The following SFMBT1 variants were observed in gnomAD, a reference collection of about 807,000 sequenced individuals.
SFMBT1 encodes Scm like with four mbt domains 1.
A neutral mutation model predicts 108.7 loss-of-function variants in SFMBT1; 32 were observed. That is an observed-to-expected ratio of 0.29 (90% confidence interval 0.22 to 0.40). The LOEUF (loss-of-function observed/expected upper bound fraction) is 0.40. Ranked by LOEUF, SFMBT1 falls within the 10% of genes least tolerant of loss-of-function variation. The probability of loss-of-function intolerance (pLI) is 1.00; values close to 1 mark genes in which losing one functional copy is unlikely to be tolerated. For missense variants in SFMBT1, 816 were observed against 1,059.6 expected (o/e 0.77, Z 3.19); for synonymous variants, 348 against 369.5 (o/e 0.94, Z 0.67).
chr3:53,001,968 CACACAT>C lies in SFMBT1; in HGVS notation c.-130-32716_-130-32711del, dbSNP rs1416423707. On this transcript the variant is annotated intron_variant, in intron 1 of 20. Coordinates refer to ENST00000394752, the MANE Select transcript of SFMBT1 (RefSeq NM_016329.4). ...ACACACACACACACACACACACACA[CACACAT>C]AAATGAAAGATTACTGCCTGTTTTG... 1.0e-4 allele frequency among the ~76,000 whole-genome samples: 15 copies of C among 145,740 alleles called. 2 individuals are homozygous for C. In the South Asian group the frequency reaches 2.5e-3, roughly 24 times the overall value.
At chr3:53,044,395 A>T (rs577407205) in intron 1 of SFMBT1, among the ~76,000 whole-genome samples, 1 of 152,344 alleles carries the variant, frequency 6.6e-6, no homozygotes, top group South Asian at 2.1e-4. Flanking sequence ...GTCAATGACA[A>T]CGGTAATAAC....
intron 2 of SFMBT1, among the ~76,000 whole-genome samples, chr3:52,962,182 A>C (rs1411430656): frequency 6.6e-6 from 1 of 152,232 alleles, no homozygotes; most frequent in Non-Finnish European, 1.5e-5. Flanking sequence ...ACTTGGCAAT[A>C]TCCAACAAAA....
intron 1 of SFMBT1, among the ~76,000 whole-genome samples, chr3:52,974,728 C>T (rs566935411): frequency 2.6e-5 from 4 of 151,702 alleles, no homozygotes; most frequent in Admixed American, 6.6e-5. Context: ...CGGTGGCTCA[C>T]GCCTGTAATC....
chr3:53,018,833 A>C (rs1699207852), intron 1 of SFMBT1, among the ~76,000 whole-genome samples: 1 of 151,312 alleles, frequency 6.6e-6, no homozygotes, highest in Non-Finnish European at 1.5e-5. Context: ...CTGTGACACT[A>C]CTCTCCTGGT....
At chr3:53,030,410 T>C (rs1178791974) in intron 1 of SFMBT1, among the ~76,000 whole-genome samples, 1 of 152,078 alleles carries the variant, frequency 6.6e-6, no homozygotes, top group Non-Finnish European at 1.5e-5. Context: ...TCTTTTTTGA[T>C]ATTCAAAAAA....
intron 1 of SFMBT1, among the ~76,000 whole-genome samples, chr3:52,970,078 G>T (rs929137056): frequency 3.3e-5 from 5 of 151,622 alleles, no homozygotes; most frequent in African/African-American, 9.7e-5. Context: ...TCCAGCCTGG[G>T]TGACACAGCC....
intron 10 of SFMBT1, among the ~76,000 whole-genome samples, chr3:52,923,534 T>C (rs1702575281): frequency 6.7e-6 from 1 of 148,836 alleles, no homozygotes; most frequent in South Asian, 2.1e-4. Context: ...CACTCCAGCC[T>C]GGGCAACAAG....
intron 2 of SFMBT1, among the ~76,000 whole-genome samples, chr3:52,956,446 G>A (rs553375619): frequency 1.9e-4 from 29 of 151,642 alleles, no homozygotes; most frequent in Admixed American, 1.7e-3. Flanking sequence ...GTGATGGAGC[G>A]AGGCACTGTC....
intron 1 of SFMBT1, among the ~76,000 whole-genome samples, chr3:53,002,309 G>C (rs1241710287): frequency 1.4e-5 from 2 of 146,916 alleles, no homozygotes; most frequent in African/African-American, 4.9e-5. Flanking sequence ...TGAGGCAGGA[G>C]AATGGCGTGA....
chr3:53,037,308 C>T (rs1414598203), intron 1 of SFMBT1, among the ~76,000 whole-genome samples: 40 of 152,104 alleles, frequency 2.6e-4, no homozygotes, highest in Admixed American at 2.6e-3. Flanking sequence ...TGGAGCCTGA[C>T]AACAAAGAAA....
chr3:53,037,615 C>T (rs778350180), intron 1 of SFMBT1, among the ~76,000 whole-genome samples: 29 of 152,234 alleles, frequency 1.9e-4, no homozygotes, highest in Admixed American at 4.6e-4. Flanking sequence ...ATAATACACC[C>T]GAAGTTTCTC....
At chr3:52,957,218 T>C (rs1407588077) in intron 2 of SFMBT1, among the ~76,000 whole-genome samples, 1 of 152,058 alleles carries the variant, frequency 6.6e-6, no homozygotes, top group African/African-American at 2.4e-5. Flanking sequence ...TGAACTTCCA[T>C]TCACAATTGC....
chr3:52,920,253 C>T (rs949315470), intron 12 of SFMBT1, among the ~76,000 whole-genome samples: 2 of 152,182 alleles, frequency 1.3e-5, no homozygotes, highest in African/African-American at 4.8e-5. Flanking sequence ...GGAGCAGATC[C>T]TCCCCACGTT....
chr3:52,912,747 G>A (rs909343552), intron 15 of SFMBT1, 100 bp from the exon 16 acceptor site: 13 of 864,686 alleles, frequency 1.5e-5, no homozygotes, highest in Non-Finnish European at 2.3e-5. Flanking sequence ...TTATTTAGGA[G>A]GTTAAATTCT....
intron 1 of SFMBT1, among the ~76,000 whole-genome samples, chr3:53,011,071 G>C (rs1175805062): frequency 6.6e-6 from 1 of 152,140 alleles, no homozygotes; most frequent in Non-Finnish European, 1.5e-5. Context: ...GGATTTTACA[G>C]TTACAGATAG....
rs760494712 is a variant in SFMBT1, at chr3:52,906,165, C to T, written c.2408G>A (p.Arg803Gln). 2.8e-5 allele frequency: 45 copies of T among 1,613,960 alleles called. No homozygotes were observed. The highest frequency in any genetic ancestry group is 3.7e-5 in the Non-Finnish European group (44 of 1,179,988). ...PLKWSVADVV[R>Q]FIRSTDCAPL... is the part of the protein sequence containing the mutation. ...AGCACAGTCAGTGGATCTGATGAAC[C>T]GCACAACGTCTGCCACACTCCACTT... Residue 803 changes from arginine to glutamine, a missense_variant, in exon 20 of 21, where the codon CGG becomes CAG. Physicochemically the swap from Arg to Gln is conservative, Grantham distance 43. Coordinates refer to ENST00000394752, the MANE Select transcript of SFMBT1 (RefSeq NM_016329.4).
At chr3:53,021,778 CCGCAGGGAGAAATAAAAT>C (rs1343647377) in intron 1 of SFMBT1, among the ~76,000 whole-genome samples, 11 of 152,044 alleles carry the variant, frequency 7.2e-5, no homozygotes, top group Non-Finnish European at 1.6e-4. Context: ...AAAACAGCAA[CCGCAGGGAGAAATAAAAT>C]CATTTACAAG....
intron 14 of SFMBT1, among the ~76,000 whole-genome samples, chr3:52,915,336 C>T (rs1448596301): frequency 6.6e-6 from 1 of 152,148 alleles, no homozygotes; most frequent in African/African-American, 2.4e-5. Flanking sequence ...AGTAGGCATT[C>T]GAATGGCCAG....
chr3:52,940,200 C>T (rs73839720), intron 4 of SFMBT1, among the ~76,000 whole-genome samples: 3,942 of 152,290 alleles, frequency 0.026, 185 homozygotes, highest in African/African-American at 0.09. Context: ...TATTGTTACT[C>T]ACAAAGTAAA....
Sources: gnomAD v4.1 joint callset for allele counts (sites outside exome capture counted in the v4.1 genomes callset) on GRCh38, gnomAD v4.1.1 for gene constraint, MANE v1.5 for transcripts, NCBI Gene and HGNC (gene_info 2026-07-23, HGNC 2026-07-21) for gene names.